The following ODR4 variants were observed in gnomAD, a reference collection of about 807,000 sequenced individuals.
ODR4 encodes the protein protein odr-4 homolog.
ODR4 carries 47 observed loss-of-function variants against 60.2 expected under a neutral mutation model. The ratio of observed to expected loss-of-function variants is 0.78; its 90% CI spans 0.62 to 1.00. The LOEUF (loss-of-function observed/expected upper bound fraction) is 1.00, where lower values mean the gene tolerates loss of function less well. Ranked by LOEUF, ODR4 falls within the 50% of genes least tolerant of loss-of-function variation. The probability of loss-of-function intolerance (pLI) is 0.00; values close to 1 mark genes in which losing one functional copy is unlikely to be tolerated. For synonymous variants in ODR4, 178 were observed against 175.5 expected, an observed-to-expected ratio of 1.01 and a Z score of -0.11; for missense variants, 488 against 530.8, an observed-to-expected ratio of 0.92 and a Z score of 0.79.
chr1:186,431,693 A>G, the ODR4 span, among the ~76,000 whole-genome samples: 2 of 152,198 alleles, frequency 1.3e-5, no homozygotes, highest in Non-Finnish European at 2.9e-5. Flanking sequence ...TGAATTCTGA[A>G]ATAATACAAA....
At chr1:186,411,023 A>T (rs1395303314) in intron 12 of ODR4, among the ~76,000 whole-genome samples, 1 of 152,172 alleles carries the variant, frequency 6.6e-6, no homozygotes, top group East Asian at 1.9e-4. Flanking sequence ...CTCAAAAAAA[A>T]AAAAAGAGTT....
At chr1:186,395,351 C>T (rs1294389786) in intron 9 of ODR4, among the ~76,000 whole-genome samples, 1 of 152,064 alleles carries the variant, frequency 6.6e-6, no homozygotes, top group Non-Finnish European at 1.5e-5. Flanking sequence ...CCTCGGCCTC[C>T]CAAAGTGCTG....
intron 8 of ODR4, among the ~76,000 whole-genome samples, chr1:186,392,695 G>T (rs947610253): frequency 6.7e-6 from 1 of 150,196 alleles, no homozygotes; most frequent in Non-Finnish European, 1.5e-5. Context: ...GCAGGTGCCT[G>T]TAATTGCAGC....
chr1:186,384,848 A>G (rs1290759130), intron 3 of ODR4, among the ~76,000 whole-genome samples: 2 of 152,150 alleles, frequency 1.3e-5, no homozygotes, highest in Non-Finnish European at 2.9e-5. Flanking sequence ...ACCGAAAGAC[A>G]TAGTGCAAGT....
intron 5 of ODR4, among the ~76,000 whole-genome samples, chr1:186,389,194 A>C (rs747906016): frequency 1.3e-4 from 20 of 152,066 alleles, no homozygotes; most frequent in Non-Finnish European, 2.2e-4. Flanking sequence ...ATTTAACTGC[A>C]AAGTTTCATA....
At chr1:186,415,680 A>G (rs1661536184) in intron 12 of ODR4, among the ~76,000 whole-genome samples, 2 of 152,158 alleles carry the variant, frequency 1.3e-5, no homozygotes, top group African/African-American at 4.8e-5. Flanking sequence ...CTTTGTTTTC[A>G]TAGGATTCTT....
At chr1:186,382,974 T>G in intron 2 of ODR4, 48 bp from the exon 3 acceptor site, 1 of 1,539,392 alleles carries the variant, frequency 6.5e-7, no homozygotes, top group African/African-American at 1.4e-5. Context: ...CTAATTAGAT[T>G]GAGGAATCAG....
Position 186,417,386 on chromosome 1 carries a change from A to C in ODR4, c.1187-158A>C, listed in dbSNP as rs979056543. On this transcript the variant is annotated intron_variant, in intron 12 of 13. Coordinates refer to ENST00000287859, the MANE Select transcript of ODR4 (RefSeq NM_017847.6). ...ACGTATATTCTATTAAATTTAATTC[A>C]CCTACAATTGATAATGAACAAATTC... 21 of 606,586 alleles carry C rather than the reference A, an allele frequency of 3.5e-5. No individual in the cohort carries two copies. In the Admixed American group the frequency reaches 4.2e-4, roughly 12 times the overall value. The allele number at this position is 606,586 out of a possible 1,614,324, so 37.6% of individuals were successfully genotyped here.
intron 4 of ODR4, 80 bp downstream of exon 4, chr1:186,386,163 T>C (rs961954033): frequency 2.8e-6 from 2 of 712,434 alleles, no homozygotes; most frequent in East Asian, 3.3e-5. Context: ...GTAATGATTC[T>C]AGGCATATTT....
chr1:186,424,443 G>A (rs142901200), downstream of ODR4, among the ~76,000 whole-genome samples: 13 of 152,228 alleles, frequency 8.5e-5, no homozygotes, highest in African/African-American at 3.1e-4. Context: ...TGATACTTTC[G>A]TTCTTGAGTA....
intron 2 of ODR4, among the ~76,000 whole-genome samples, chr1:186,382,148 G>A (rs1660059818): frequency 6.6e-6 from 1 of 150,818 alleles, no homozygotes; most frequent in South Asian, 2.1e-4. Flanking sequence ...GCTCATGCCT[G>A]TAATCCCAAT....
downstream of ODR4, among the ~76,000 whole-genome samples, chr1:186,422,830 G>C (rs960476784): frequency 6.6e-6 from 1 of 152,158 alleles, no homozygotes; most frequent in African/African-American, 2.4e-5. Flanking sequence ...GGAAATACAG[G>C]AAAGGGAATA....
chr1:186,393,232 G>A (rs1339660605), intron 8 of ODR4, among the ~76,000 whole-genome samples: 1 of 152,102 alleles, frequency 6.6e-6, no homozygotes, highest in East Asian at 1.9e-4. Flanking sequence ...CCCCATGACT[G>A]AAGTTTATCT....
the ODR4 span, among the ~76,000 whole-genome samples, chr1:186,432,739 T>G: frequency 6.6e-6 from 1 of 152,112 alleles, no homozygotes. Context: ...GTTGTTTATT[T>G]ATGCTTTTCT....
At chr1:186,426,980 T>A in the ODR4 span, among the ~76,000 whole-genome samples, 30,902 of 151,976 alleles carry the variant, frequency 0.2, 4,516 homozygotes, top group African/African-American at 0.41. Context: ...CTGCTAAAAA[T>A]AAAAGTGGCA....
At chr1:186,390,651 T>A (rs1660431386) in intron 6 of ODR4, 60 bp from the exon 7 acceptor site, 1 of 1,522,012 alleles carries the variant, frequency 6.6e-7, no homozygotes. Flanking sequence ...AATGTTTTGT[T>A]GATCCATGTA....
intron 4 of ODR4, among the ~76,000 whole-genome samples, chr1:186,388,062 C>A (rs1660318989): frequency 6.6e-6 from 1 of 152,078 alleles, no homozygotes; most frequent in African/African-American, 2.4e-5. Flanking sequence ...CTAGTTGCCC[C>A]AAATTAATTT....
chr1:186,432,333 G>A, the ODR4 span, among the ~76,000 whole-genome samples: 1 of 152,122 alleles, frequency 6.6e-6, no homozygotes, highest in Non-Finnish European at 1.5e-5. Flanking sequence ...ATATTAGCCT[G>A]TAATTTTCCC....
At position 186,399,186 on chromosome 1, in the gene ODR4, A is replaced by G. The variant is rs1253853289; in HGVS notation, c.1000+142A>G. ...TATCATCTTTTATTATTGGATGAAA[A>G]TTTTTCAGTTGCTACTCAGATTTTT... On this transcript the variant is annotated intron_variant, in intron 11 of 13. Transcript: ENST00000287859. 11 of 696,462 alleles carry G rather than the reference A, an allele frequency of 1.6e-5. No homozygotes were observed. The East Asian group carries it at 2.9e-4, about 19-fold the overall frequency. The allele number at this position is 696,462 out of a possible 1,614,324, so 43.1% of individuals were successfully genotyped here. A position where few individuals can be genotyped will look rare whatever the true frequency, so the allele number is the denominator to read the frequency against.
Sources: gnomAD v4.1 joint callset for allele counts (sites outside exome capture counted in the v4.1 genomes callset) on GRCh38, gnomAD v4.1.1 for gene constraint, MANE v1.5 for transcripts, NCBI Gene and HGNC (gene_info 2026-07-23, HGNC 2026-07-21) for gene names.